Variants in LPO observed in about 807,000 individuals in gnomAD.
The protein encoded by LPO is lactoperoxidase.
LPO carries 70 observed loss-of-function variants against 68.4 expected under a neutral mutation model. The observed-to-expected ratio is 1.02, with a 90% CI of 0.84 to 1.25. The LOEUF (loss-of-function observed/expected upper bound fraction) is 1.25, where lower values mean the gene tolerates loss of function less well. LPO is among the 50% of genes most tolerant of loss of function. The pLI is 0.00. For synonymous variants in LPO, 360 were observed against 357.6 expected, an observed-to-expected ratio of 1.01 and a Z score of -0.08; for missense variants, 873 against 908.4, an observed-to-expected ratio of 0.96 and a Z score of 0.50.
chr17:58,244,920 T>A (rs567656861), intron 3 of LPO, among the ~76,000 whole-genome samples: 1 of 152,266 alleles, frequency 6.6e-6, no homozygotes, highest in East Asian at 1.9e-4. Flanking sequence ...GCGCCTTCCC[T>A]CAGGAAACGC....
chr17:58,249,317 C>G, intron 5 of LPO, 140 bp downstream of exon 5: 1 of 883,500 alleles, frequency 1.1e-6, no homozygotes, highest in Admixed American at 2.7e-5. Flanking sequence ...TCCCCACCTT[C>G]TCAAGATCGC....
At chr17:58,266,817 T>C (rs191945696) in intron 11 of LPO, among the ~76,000 whole-genome samples, 2 of 152,234 alleles carry the variant, frequency 1.3e-5, no homozygotes, top group East Asian at 1.9e-4. Context: ...TTTCCCCTAA[T>C]GCAGAGAAAA....
chr17:58,257,784 C>G (rs944225036), intron 9 of LPO, among the ~76,000 whole-genome samples: 1 of 152,188 alleles, frequency 6.6e-6, no homozygotes, highest in Non-Finnish European at 1.5e-5. Context: ...TCTCCACATT[C>G]TTGCCAGCAT....
intron 2 of LPO, 58 bp from the exon 3 acceptor site, chr17:58,243,936 A>T: frequency 9.0e-7 from 1 of 1,111,264 alleles, no homozygotes; most frequent in East Asian, 2.4e-5. Flanking sequence ...AAAGCAGAAG[A>T]CATCGCAAAG....
intron 3 of LPO, among the ~76,000 whole-genome samples, chr17:58,247,038 T>C (rs1020138707): frequency 6.6e-5 from 10 of 152,174 alleles, no homozygotes; most frequent in African/African-American, 2.4e-4. Context: ...AAGTCTCTGA[T>C]GGGAGGAAAT....
Position 58,266,174 on chromosome 17 carries a change from G to T in LPO, c.1541G>T (p.Arg514Leu), listed in dbSNP as rs8178401. Residue 514 changes from arginine (R) to leucine (L), a missense_variant, in exon 11 of 13, where the codon CGG (arginine) becomes CTG (leucine). Arg to Leu is a moderately radical substitution (Grantham distance 102). Coordinates refer to ENST00000262290, the MANE Select transcript of LPO (RefSeq NM_006151.3). Reference protein sequence around the residue: ...VKDGGIDPLVRGLLAKKSKLM... With the variant: ...VKDGGIDPLVLGLLAKKSKLM... ...GCAGGTGGAATTGATCCTCTGGTGC[G>T]GGGCCTGCTGGCCAAGAAATCCAAG... 28 of 1,613,888 alleles carry T rather than the reference G, an allele frequency of 1.7e-5. No individual in the cohort carries two copies. In the East Asian group the frequency reaches 3.6e-4, roughly 21 times the overall value.
chr17:58,245,237 C>T (rs1274195462), intron 3 of LPO, among the ~76,000 whole-genome samples: 2 of 152,158 alleles, frequency 1.3e-5, no homozygotes, highest in Non-Finnish European at 2.9e-5. Flanking sequence ...GTCTCCTTCT[C>T]CCTCTTTCTG....
chr17:58,257,925 G>A (rs868616775), intron 9 of LPO, among the ~76,000 whole-genome samples: 1 of 152,156 alleles, frequency 6.6e-6, no homozygotes, highest in Admixed American at 6.5e-5. Context: ...TTTGCCATTT[G>A]TATGTCTTCT....
In LPO at chr17:58,267,972, C is replaced by A; in HGVS notation, c.2117C>A (p.Pro706His). Residue 706 changes from proline (P) to histidine (H), a missense_variant, in exon 13 of 13, where the codon CCC becomes CAC. Transcript: ENST00000262290. ...GCCATCGACAAGCTGGACCTGTCACCCTGGGCCTCAGTGAAGAATTAGGGG... is the reference window on the plus strand; with the variant it reads ...GCCATCGACAAGCTGGACCTGTCACACTGGGCCTCAGTGAAGAATTAGGGG... ...CSAIDKLDLSPWASVKN is the reference protein window; with the variant it reads ...CSAIDKLDLSHWASVKN The A allele has an allele frequency of 6.2e-7, 1 of 1,613,922 alleles. No individual in the cohort carries two copies. The highest frequency in any genetic ancestry group is 8.5e-7 in the Non-Finnish European group (1 of 1,180,030).
At position 58,267,200 on chromosome 17, in the gene LPO, A is replaced by C; in HGVS notation, c.1694-149A>C. 4.9e-6 allele frequency: 3 copies of C among 614,716 alleles called. No homozygotes were observed. In the South Asian group the frequency reaches 6.1e-5, roughly 12 times the overall value. The allele number at this position is 614,716 out of a possible 1,614,324, so 38.1% of individuals were successfully genotyped here. A position where few individuals can be genotyped will look rare whatever the true frequency, so the allele number is the denominator to read the frequency against. On this transcript the variant is annotated intron_variant, in intron 11 of 12. Transcript: ENST00000262290. ...TAGCCCCCTTAAGATTGAAGTGCAG[A>C]TAAAAAACAATGGATTCCCTCCTTC...
chr17:58,245,787 A>C (rs113465182), intron 3 of LPO, among the ~76,000 whole-genome samples: 53 of 152,294 alleles, frequency 3.5e-4, no homozygotes, highest in African/African-American at 1.2e-3. Context: ...TCTCCAAAGG[A>C]AAATTCTCTC....
rs34122568 is a variant in LPO, at chr17:58,256,407, G to GT, written c.1266+1450dup. Among the ~76,000 whole-genome samples, 590 of 138,606 alleles carry GT rather than the reference G, an allele frequency of 4.3e-3. 1 individual carries two copies. Among genetic ancestry groups the GT allele is most frequent in the African/African-American group, 0.012 (439 of 38,148 alleles). The allele number at this position is 138,606 out of a possible 152,430, so 90.9% of individuals were successfully genotyped here. On this transcript the variant is annotated intron_variant, in intron 9 of 12. Coordinates refer to ENST00000262290, the MANE Select transcript of LPO (RefSeq NM_006151.3). Reference sequence around the variant, plus strand: ...TCACATGGTAAGTCCATTTTTAGGTGTTTTTTTTTTTTTTAATTTTTTAAT... The same window carrying GT: ...TCACATGGTAAGTCCATTTTTAGGTGTTTTTTTTTTTTTTTAATTTTTTAAT...
intron 3 of LPO, among the ~76,000 whole-genome samples, chr17:58,245,118 C>A (rs1038745420): frequency 3.9e-5 from 6 of 152,200 alleles, no homozygotes; most frequent in Admixed American, 3.9e-4. Context: ...AGTCCCCAGA[C>A]CAGGATTATC....
intron 10 of LPO, among the ~76,000 whole-genome samples, chr17:58,265,325 AG>A (rs145579548): frequency 0.022 from 3,404 of 152,160 alleles, 129 homozygotes; most frequent in African/African-American, 0.078. Context: ...TGACTTCTAC[AG>A]GGTTTGGTAA....
chr17:58,268,270 T>G lies in LPO; in HGVS notation c.*276T>G. 3 of 463,384 alleles carry G rather than the reference T, an allele frequency of 6.5e-6. No individual in the cohort carries two copies. The highest frequency in any genetic ancestry group is 3.5e-5 in the Admixed American group (1 of 28,524). The allele number at this position is 463,384 out of a possible 1,614,324, so 28.7% of individuals were successfully genotyped here. ...AGCTTGCTGGATGTTACCTGTCCTC[T>G]TCCCTCCACAAGTCTTGGCCCTTAA... On this transcript the variant is annotated 3_prime_UTR_variant, in exon 13 of 13. Coordinates refer to ENST00000262290, the MANE Select transcript of LPO (RefSeq NM_006151.3).
intron 8 of LPO, among the ~76,000 whole-genome samples, chr17:58,254,152 T>G (rs150279535): frequency 0.05 from 6,629 of 133,336 alleles, 186 homozygotes; most frequent in African/African-American, 0.09. Flanking sequence ...TATATAGATA[T>G]ATAGATAGAT....
intron 3 of LPO, among the ~76,000 whole-genome samples, chr17:58,245,312 G>A (rs1247232555): frequency 6.6e-6 from 1 of 152,206 alleles, no homozygotes; most frequent in South Asian, 2.1e-4. Context: ...GAGGGAAAAA[G>A]GGGTGGTGAG....
At chr17:58,243,762 G>A in intron 2 of LPO, 1 of 573,920 alleles carries the variant, frequency 1.7e-6, no homozygotes, top group South Asian at 2.0e-5. Context: ...GGGCATTCTA[G>A]TGAGATCTCA....
rs778682614 is a variant in LPO, at chr17:58,264,589, C to A, written c.1267-133C>A. The A allele has an allele frequency of 8.9e-5, 73 of 820,806 alleles. 1 individual carries two copies. Among genetic ancestry groups the A allele is most frequent in the Non-Finnish European group, 1.4e-4 (68 of 501,902 alleles). The allele number at this position is 820,806 out of a possible 1,614,324, so 50.8% of individuals were successfully genotyped here. On this transcript the variant is annotated intron_variant, in intron 9 of 12. Transcript: ENST00000262290. ...TATGCTCATAGGAATGGGAACTGGGCACATATGCTATCCATTTGCCATCCT... is the reference window on the plus strand; with the variant it reads ...TATGCTCATAGGAATGGGAACTGGGAACATATGCTATCCATTTGCCATCCT...
Sources: allele counts gnomAD v4.1 joint callset (sites outside exome capture counted in the v4.1 genomes callset), GRCh38; gene constraint gnomAD v4.1.1; transcripts MANE v1.5; gene names NCBI Gene and HGNC (gene_info 2026-07-23, HGNC 2026-07-21).